Variants in RCN3 observed in about 807,000 individuals in gnomAD.
The protein encoded by RCN3 is reticulocalbin 3.
A neutral mutation model predicts 35.9 loss-of-function variants in RCN3; 41 were observed. The observed-to-expected ratio is 1.14, with a 90% confidence interval of 0.89 to 1.48. The LOEUF (loss-of-function observed/expected upper bound fraction) is 1.48, where lower values mean the gene tolerates loss of function less well. RCN3 is among the 40% of genes most tolerant of loss of function. The pLI is 0.00. For missense variants in RCN3, 451 were observed against 471.3 expected (o/e 0.96, Z 0.40); for synonymous variants, 187 against 193.4 (o/e 0.97, Z 0.27).
chr19:49,531,167 A>C (rs1353516808), intron 2 of RCN3, among the ~76,000 whole-genome samples: 2 of 152,100 alleles, frequency 1.3e-5, no homozygotes, highest in African/African-American at 4.8e-5. Flanking sequence ...ACAAATACAA[A>C]AATTAGCCCA....
chr19:49,534,188 T>C lies in RCN3; in HGVS notation c.243-5T>C. 2 of 1,485,962 alleles carry C rather than the reference T, an allele frequency of 1.3e-6. No individual in the cohort carries two copies. The allele number at this position is 1,485,962 out of a possible 1,614,324, so 92.0% of individuals were successfully genotyped here. On this transcript the variant is annotated splice_region_variant and splice_polypyrimidine_tract_variant and intron_variant, in intron 2 of 6. Coordinates refer to ENST00000270645, the MANE Select transcript of RCN3 (RefSeq NM_020650.3). The stretch of plus-strand genomic sequence containing the variant: ...AGCCTGACGTGTGCCCGCCCCGGCT[T>C]CTAGGCGGATCGTGGACCGCATGGA...
intron 2 of RCN3, 44 bp from the exon 3 acceptor site, chr19:49,534,136 AGGGGCGGGGCCTG>A: frequency 1.4e-6 from 2 of 1,415,248 alleles, no homozygotes; most frequent in African/African-American, 1.5e-5. Flanking sequence ...GGCCCGTGCG[AGGGGCGGGGCCTG>A]GGGGCGGGAC....
At chr19:49,534,603 A>G (rs908444297) in intron 3 of RCN3, among the ~76,000 whole-genome samples, 3 of 152,042 alleles carry the variant, frequency 2.0e-5, no homozygotes, top group Non-Finnish European at 4.4e-5. Flanking sequence ...TTTTTCTGGT[A>G]TTTAGCTGCA....
chr19:49,540,991 C>T (rs1355310170), intron 5 of RCN3, among the ~76,000 whole-genome samples: 2 of 150,630 alleles, frequency 1.3e-5, no homozygotes, highest in African/African-American at 2.4e-5. Flanking sequence ...AGTGCAGTGG[C>T]ATGATCTCGG....
chr19:49,541,247 C>G (rs995839453), intron 5 of RCN3, among the ~76,000 whole-genome samples: 2 of 151,912 alleles, frequency 1.3e-5, no homozygotes, highest in Non-Finnish European at 2.9e-5. Context: ...TCAATTACTT[C>G]ATCCCATTAA....
At chr19:49,532,191 C>T (rs1292805382) in intron 2 of RCN3, among the ~76,000 whole-genome samples, 6 of 144,604 alleles carry the variant, frequency 4.1e-5, no homozygotes, top group Admixed American at 1.4e-4. Context: ...CTGCAAGCTG[C>T]GCCTCCCAGG....
intron 5 of RCN3, among the ~76,000 whole-genome samples, chr19:49,539,897 AT>A (rs1316776760): frequency 1.3e-5 from 2 of 151,520 alleles, no homozygotes; most frequent in Non-Finnish European, 2.9e-5. Context: ...TAATTTTTGT[AT>A]TTTTAGTGGA....
intron 5 of RCN3, among the ~76,000 whole-genome samples, chr19:49,541,570 G>A (rs2080163071): frequency 6.6e-6 from 1 of 152,174 alleles, no homozygotes; most frequent in South Asian, 2.1e-4. Context: ...CCAACATGAT[G>A]AAACCCTGTC....
chr19:49,535,058 G>A lies in RCN3; in HGVS notation c.445+663G>A, dbSNP rs1040045186. On this transcript the variant is annotated intron_variant, in intron 3 of 6. Transcript: ENST00000270645. Reference sequence around the variant, plus strand: ...CAGTCTGTCCTCCACAGGGCTCCGGGGGCGGGGTTCTTCATGCCCAGCACT... The same window carrying A: ...CAGTCTGTCCTCCACAGGGCTCCGGAGGCGGGGTTCTTCATGCCCAGCACT... Among the ~76,000 whole-genome samples the A allele has an allele frequency of 9.9e-5, 15 of 152,114 alleles. 1 individual carries two copies. The highest frequency in any genetic ancestry group is 9.8e-4 in the Admixed American group (15 of 15,252).
chr19:49,528,520 CG>C lies in RCN3; in HGVS notation c.52del (p.Ala18ProfsTer23). 1 of 1,549,556 alleles carries C rather than the reference CG, an allele frequency of 6.5e-7. No homozygotes were observed. The highest frequency in any genetic ancestry group is 8.7e-7 in the Non-Finnish European group (1 of 1,149,406). ...TGCTGCTTCTGTTGCTACTGAGGCA[CG>C]GGGCCCAGGGGAAGCCATCCCCAGA... ...VLLLLLLLRH[G>X]AQGKPSPDAG... is the part of the protein sequence containing the mutation. On this transcript the variant is annotated frameshift_variant, in exon 2 of 7. Transcript: ENST00000270645.
In RCN3 at chr19:49,536,607, AT is replaced by A. The variant is rs1164558496; in HGVS notation, c.446-407del. ...TGAGCCACTGTGCCAGGCTTCTAAA[AT>A]TTTTTTTTTTTTTTTTTTGAGACAT... On this transcript the variant is annotated intron_variant, in intron 3 of 6. Transcript: ENST00000270645. Among the ~76,000 whole-genome samples, 924 of 123,480 alleles carry A rather than the reference AT, an allele frequency of 7.5e-3. 2 individuals are homozygous for A. The highest frequency in any genetic ancestry group is 0.023 in the Middle Eastern group (4 of 174). The allele number at this position is 123,480 out of a possible 152,430, so 81.0% of individuals were successfully genotyped here.
chr19:49,532,796 C>T (rs574539800), intron 2 of RCN3, among the ~76,000 whole-genome samples: 12 of 152,366 alleles, frequency 7.9e-5, no homozygotes, highest in African/African-American at 2.6e-4. Flanking sequence ...CCGCGTCAGC[C>T]TCCAGAGTAG....
In RCN3 at chr19:49,543,153, T is replaced by C; in HGVS notation, c.927T>C (p.Phe309=). The C allele has an allele frequency of 6.2e-7, 1 of 1,614,060 alleles. No homozygotes were observed. The highest frequency in any genetic ancestry group is 8.5e-7 in the Non-Finnish European group (1 of 1,180,000). The part of the protein sequence containing the change: ...KAEILGNWNM[F]VGSQATNYGE... Reference sequence around the variant, plus strand: ...AAATCCTGGGTAATTGGAACATGTTTGTGGGCAGTCAGGCCACCAACTATG... The same window carrying C: ...AAATCCTGGGTAATTGGAACATGTTCGTGGGCAGTCAGGCCACCAACTATG... Residue 309 remains phenylalanine (F), a synonymous_variant, in exon 7 of 7, where the codon TTT becomes TTC. Coordinates refer to ENST00000270645, the MANE Select transcript of RCN3 (RefSeq NM_020650.3).
chr19:49,543,038 T>G (rs924626119), intron 6 of RCN3, 68 bp from the exon 7 acceptor site: 7 of 1,317,206 alleles, frequency 5.3e-6, no homozygotes, highest in Non-Finnish European at 7.7e-6. Flanking sequence ...CGGGACACGC[T>G]TGGATGCAGG....
intron 4 of RCN3, among the ~76,000 whole-genome samples, chr19:49,537,498 A>C (rs1389049819): frequency 6.8e-6 from 1 of 147,762 alleles, no homozygotes; most frequent in East Asian, 2.0e-4. Flanking sequence ...CACCTTATAC[A>C]ATTTCTTTTC....
At chr19:49,532,790 G>A (rs914452659) in intron 2 of RCN3, among the ~76,000 whole-genome samples, 2 of 152,060 alleles carry the variant, frequency 1.3e-5, no homozygotes, top group African/African-American at 2.4e-5. Flanking sequence ...ATTCTCCCGC[G>A]TCAGCCTCCA....
At chr19:49,542,832 C>CCCAGGTCTTG in intron 6 of RCN3, 80 bp downstream of exon 6, 1 of 1,342,924 alleles carries the variant, frequency 7.4e-7, no homozygotes, top group Non-Finnish European at 1.0e-6. Flanking sequence ...AAGACCTGGG[C>CCCAGGTCTTG]CTGGAGCTCA....
At chr19:49,537,513 T>G (rs932606124) in intron 4 of RCN3, among the ~76,000 whole-genome samples, 2 of 120,378 alleles carry the variant, frequency 1.7e-5, no homozygotes, top group Non-Finnish European at 3.6e-5. Flanking sequence ...CTTTTCTTTC[T>G]TTTTTTTTTT....
In RCN3 at chr19:49,543,355, C is replaced by T; in HGVS notation, c.*142C>T. The T allele has an allele frequency of 1.4e-6, 1 of 705,032 alleles. No individual in the cohort carries two copies. Among genetic ancestry groups the T allele is most frequent in the Non-Finnish European group, 2.5e-6 (1 of 405,068 alleles). 43.7% of individuals were successfully genotyped at this position (705,032 alleles called of 1,614,324 possible). A position where few individuals can be genotyped will look rare whatever the true frequency, so the allele number is the denominator to read the frequency against. On this transcript the variant is annotated 3_prime_UTR_variant, in exon 7 of 7. Coordinates refer to ENST00000270645, the MANE Select transcript of RCN3 (RefSeq NM_020650.3). ...CTCCTGCCCCTGGGCTCTCAGGGAC[C>T]CCCTGGGTCGGCTTCTGTCCCTGTC...
Sources: allele counts gnomAD v4.1 joint callset (sites outside exome capture counted in the v4.1 genomes callset), GRCh38; gene constraint gnomAD v4.1.1; transcripts MANE v1.5; gene names NCBI Gene and HGNC (gene_info 2026-07-23, HGNC 2026-07-21).